The following XPNPEP1 variants were observed in gnomAD, a reference collection of about 807,000 sequenced individuals.
XPNPEP1 encodes xaa-Pro aminopeptidase 1.
In XPNPEP1, 39 loss-of-function variants were observed where a neutral mutation model predicts 92.4. That is an observed-to-expected ratio of 0.42 (90% CI 0.33 to 0.55). The LOEUF (loss-of-function observed/expected upper bound fraction) is 0.55. XPNPEP1 is among the 20% of genes least tolerant of loss of function. The pLI is 0.08. For missense variants in XPNPEP1, 654 were observed against 856.1 expected, an observed-to-expected ratio of 0.76 and a Z score of 2.95; for synonymous variants, 307 against 299.4, an observed-to-expected ratio of 1.03 and a Z score of -0.26.
intron 19 of XPNPEP1, among the ~76,000 whole-genome samples, chr10:109,869,054 C>T (rs1001858528): frequency 1.3e-5 from 2 of 152,150 alleles, no homozygotes; most frequent in Non-Finnish European, 2.9e-5. Context: ...TTTGGTTCTC[C>T]AGGATGCAGG....
Position 109,870,904 on chromosome 10 carries a change from C to T in XPNPEP1, c.1523G>A (p.Gly508Asp). Residue 508 changes from glycine to aspartate, a missense_variant and splice_region_variant, in exon 18 of 21, where the codon GGT becomes GAT. Transcript: ENST00000502935. Reference sequence around the variant, plus strand: ...ACGGGCAAAGGAGTCAAGAAGGTGACCTGAAAGACATAAAGAGCCACTTAA... The same window carrying T: ...ACGGGCAAAGGAGTCAAGAAGGTGATCTGAAAGACATAAAGAGCCACTTAA... ...SAAVFPTGTK[G>D]HLLDSFARSA... 6.2e-7 allele frequency: 1 copy of T among 1,612,816 alleles called. No homozygotes were observed.
chr10:109,913,453 T>A (rs961281883), intron 2 of XPNPEP1, among the ~76,000 whole-genome samples: 2 of 152,252 alleles, frequency 1.3e-5, no homozygotes, highest in African/African-American at 4.8e-5. Flanking sequence ...CAGATGCTCT[T>A]CCAGCATCAA....
intron 15 of XPNPEP1, among the ~76,000 whole-genome samples, chr10:109,873,905 C>A (rs577210384): frequency 1.3e-5 from 2 of 152,246 alleles, no homozygotes; most frequent in Admixed American, 6.5e-5. Flanking sequence ...TAATACAATT[C>A]TATTTCTATG....
intron 3 of XPNPEP1, among the ~76,000 whole-genome samples, chr10:109,899,508 A>T (rs1301166495): frequency 6.6e-6 from 1 of 152,216 alleles, no homozygotes; most frequent in Non-Finnish European, 1.5e-5. Flanking sequence ...GCTTTACAAT[A>T]CCAGGCCACT....
chr10:109,913,144 C>A (rs1427767073), intron 2 of XPNPEP1, among the ~76,000 whole-genome samples: 1 of 152,264 alleles, frequency 6.6e-6, no homozygotes, highest in Non-Finnish European at 1.5e-5. Flanking sequence ...GAATGACTCA[C>A]TTAAAAGTCT....
rs538533722 is a variant in XPNPEP1 at position 109,922,617 on chromosome 10, T to G, written c.32+785A>C. On this transcript the variant is annotated intron_variant, in intron 1 of 20. Coordinates refer to ENST00000502935, the MANE Select transcript of XPNPEP1 (RefSeq NM_020383.4). ...GCTGCAAAGTGAGTGCATTCATGTCTCAAGTGGTTAGCAGGTGGGTGACCC... is the reference window on the plus strand; with the variant it reads ...GCTGCAAAGTGAGTGCATTCATGTCGCAAGTGGTTAGCAGGTGGGTGACCC... 4.6e-5 allele frequency among the ~76,000 whole-genome samples: 7 copies of G among 152,326 alleles called. No homozygotes were observed. In the South Asian group the frequency reaches 1.4e-3, roughly 32 times the overall value.
intron 8 of XPNPEP1, among the ~76,000 whole-genome samples, chr10:109,885,823 T>C (rs1335729811): frequency 6.6e-6 from 1 of 152,212 alleles, no homozygotes; most frequent in African/African-American, 2.4e-5. Context: ...TTTTAGTTCC[T>C]AGTTTTCTGA....
chr10:109,868,387 G>A (rs1039587176), intron 20 of XPNPEP1, among the ~76,000 whole-genome samples: 1 of 151,362 alleles, frequency 6.6e-6, no homozygotes, highest in Non-Finnish European at 1.5e-5. Flanking sequence ...GAATGGCTGC[G>A]GGAAACAGGA....
chr10:109,914,628 C>G (rs1850074302), intron 2 of XPNPEP1, among the ~76,000 whole-genome samples: 1 of 151,990 alleles, frequency 6.6e-6, no homozygotes, highest in Non-Finnish European at 1.5e-5. Flanking sequence ...GAAACCCCAT[C>G]TCTACTAAAA....
At position 109,893,014 on chromosome 10, in the gene XPNPEP1, G is replaced by A. The variant is rs780034701; in HGVS notation, c.308C>T (p.Ala103Val). Residue 103 changes from alanine (A) to valine (V), a missense_variant and splice_region_variant, in exon 4 of 21, where the codon GCG becomes GTG. Physicochemically the swap from Ala to Val is moderately conservative, Grantham distance 64 (BLOSUM62 0). Transcript: ENST00000502935. ...ACAGAGAAAAAGTAGTGACTCACCCGCAGAGCCATCGAATCCAGAGACAAA... is the reference window on the plus strand; with the variant it reads ...ACAGAGAAAAAGTAGTGACTCACCCACAGAGCCATCGAATCCAGAGACAAA... ...RAFVSGFDGS[A>V]GTAIITEEHA... The A allele has an allele frequency of 3.1e-6, 5 of 1,613,438 alleles. No individual in the cohort carries two copies. The highest frequency in any genetic ancestry group is 2.2e-5 in the South Asian group (2 of 90,882).
At chr10:109,918,740 G>A (rs1361693450) in intron 1 of XPNPEP1, among the ~76,000 whole-genome samples, 2 of 151,464 alleles carry the variant, frequency 1.3e-5, no homozygotes, top group Non-Finnish European at 2.9e-5. Flanking sequence ...CAGCCTGGGC[G>A]ACAGAGCAAG....
intron 1 of XPNPEP1, among the ~76,000 whole-genome samples, chr10:109,916,258 G>GA (rs756146739): frequency 6.6e-6 from 1 of 152,192 alleles, no homozygotes; most frequent in Non-Finnish European, 1.5e-5. Flanking sequence ...CAAGCCATGT[G>GA]AACGGCTAGG....
intron 5 of XPNPEP1, among the ~76,000 whole-genome samples, chr10:109,890,192 C>G (rs1466643009): frequency 6.6e-6 from 1 of 152,174 alleles, no homozygotes; most frequent in Admixed American, 6.5e-5. Context: ...CACATACCTA[C>G]ATTAAGGAAC....
At chr10:109,918,654 G>A (rs4918472) in intron 1 of XPNPEP1, among the ~76,000 whole-genome samples, 22,341 of 151,438 alleles carry the variant, frequency 0.15, 2,082 homozygotes, top group Non-Finnish European at 0.2. Context: ...CCAGCTACTC[G>A]GAAGGCTGAG....
intron 1 of XPNPEP1, among the ~76,000 whole-genome samples, chr10:109,918,871 GGAAGGAA>G (rs1850356622): frequency 1.8e-5 from 1 of 56,294 alleles, no homozygotes; most frequent in African/African-American, 8.1e-5. Context: ...AAGGAAGGAA[GGAAGGAA>G]GGAAGGAAGG....
Position 109,923,448 on chromosome 10 carries a change from C to G in XPNPEP1, c.-15G>C. 7.0e-7 allele frequency: 1 copy of G among 1,431,190 alleles called. No homozygotes were observed. Among genetic ancestry groups the G allele is most frequent in the South Asian group, 1.3e-5 (1 of 76,158 alleles). The allele number at this position is 1,431,190 out of a possible 1,614,324, so 88.7% of individuals were successfully genotyped here. On this transcript the variant is annotated 5_prime_UTR_variant, in exon 1 of 21. Coordinates refer to ENST00000502935, the MANE Select transcript of XPNPEP1 (RefSeq NM_020383.4). ...GAGGCTGCCATTCGGCGGTGACGTG[C>G]CCCAGCCCACGTCAGGGGAGCGCAG...
Position 109,890,278 on chromosome 10 carries a change from G to A in XPNPEP1, c.415+1444C>T, listed in dbSNP as rs199976798. On this transcript the variant is annotated intron_variant, in intron 5 of 20. Coordinates refer to ENST00000502935, the MANE Select transcript of XPNPEP1 (RefSeq NM_020383.4). ...AGCTGGAATCCGTGGGCCCCAAAGA[G>A]AGATGCCTGCTCCCCAGGGGGACAC... Among the ~76,000 whole-genome samples the A allele has an allele frequency of 7.9e-5, 12 of 152,294 alleles. No homozygotes were observed. In the East Asian group the frequency reaches 1.9e-3, roughly 24 times the overall value.
At chr10:109,923,243 G>C (rs577314864) in intron 1 of XPNPEP1, 159 bp downstream of exon 1, 360 of 985,306 alleles carry the variant, frequency 3.7e-4, no homozygotes, top group Middle Eastern at 2.6e-3. Flanking sequence ...CCCTTCCCCC[G>C]GCTCCTGTTC....
intron 3 of XPNPEP1, among the ~76,000 whole-genome samples, chr10:109,895,292 G>A (rs181917483): frequency 2.4e-4 from 37 of 152,292 alleles, no homozygotes; most frequent in Middle Eastern, 3.4e-3. Context: ...GTCTGAGCCC[G>A]GCTGGACTCT....
Sources: gnomAD v4.1 joint callset for allele counts (sites outside exome capture counted in the v4.1 genomes callset) on GRCh38, gnomAD v4.1.1 for gene constraint, MANE v1.5 for transcripts, NCBI Gene and HGNC (gene_info 2026-07-23, HGNC 2026-07-21) for gene names.